Variants in AGMO observed in about 807,000 individuals in gnomAD.
AGMO encodes alkylglycerol monooxygenase.
AGMO carries 75 observed loss-of-function variants against 60.2 expected under a neutral mutation model. That is an observed-to-expected ratio of 1.25 (90% CI 1.03 to 1.51). AGMO has a LOEUF of 1.51. AGMO is among the 40% of genes most tolerant of loss of function. AGMO has a pLI of 0.00. For missense variants in AGMO, 763 were observed against 525.5 expected (o/e 1.45, Z -4.42); for synonymous variants, 261 against 177.1 (o/e 1.47, Z -3.76).
rs532116796 is a variant in AGMO at position 15,272,326 on chromosome 7, G to A, written c.1264-70967C>T. 7.2e-5 allele frequency among the ~76,000 whole-genome samples: 9 copies of A among 124,398 alleles called. No homozygotes were observed. The East Asian group carries it at 9.5e-4, about 13-fold the overall frequency. The allele number at this position is 124,398 out of a possible 152,430, so 81.6% of individuals were successfully genotyped here. On this transcript the variant is annotated intron_variant, in intron 12 of 12. Transcript: ENST00000342526. ...CCAGGTGTGTGACACTCCCCTTCCC[G>A]TGTCCAAGTGTTCTCGTTGTTCAAT...
intron 3 of AGMO, among the ~76,000 whole-genome samples, chr7:15,432,859 A>C (rs547151993): frequency 6.6e-6 from 1 of 152,004 alleles, no homozygotes; most frequent in African/African-American, 2.4e-5. Flanking sequence ...ATGGCTGTAC[A>C]TAAGAAATAT....
rs71004370 is a variant in AGMO, at chr7:15,202,458, C to CAAAAAAAAAAAAAAAAA, written c.1264-1116_1264-1100dup. 9.9e-4 allele frequency among the ~76,000 whole-genome samples: 45 copies of CAAAAAAAAAAAAAAAAA among 45,358 alleles called. 4 individuals are homozygous for CAAAAAAAAAAAAAAAAA. Among genetic ancestry groups the CAAAAAAAAAAAAAAAAA allele is most frequent in the Non-Finnish European group, 1.4e-3 (31 of 22,456 alleles). 29.8% of individuals were successfully genotyped at this position (45,358 alleles called of 152,430 possible). ...CACCAACAACCAAAATACAAATGAG[C>CAAAAAAAAAAAAAAAAA]AAAAAAAAAAAAAAAAAAAAAAAAA... is the stretch of plus-strand genomic sequence containing the variant. On this transcript the variant is annotated intron_variant, in intron 12 of 12. Transcript: ENST00000342526.
In AGMO at chr7:15,544,858, T is replaced by C. The variant is rs1026744158; in HGVS notation, c.323A>G (p.Asn108Ser). 2.3e-5 allele frequency: 37 copies of C among 1,608,222 alleles called. No individual in the cohort carries two copies. The highest frequency in any genetic ancestry group is 1.6e-4 in the Middle Eastern group (1 of 6,066). ...AGTCCATGGAGAATCCCAAGGCAAA[T>C]TGAACAGCCTGTAGTTCTCCCAGAT... ...IYIWENYRLF[N>S]LPWDSPWTWY... Residue 108 changes from asparagine (N) to serine (S), a missense_variant, in exon 3 of 13, where the codon AAT (asparagine) becomes AGT (serine). Coordinates refer to ENST00000342526, the MANE Select transcript of AGMO (RefSeq NM_001004320.2).
At chr7:15,481,290 T>C (rs1022401476) in intron 3 of AGMO, among the ~76,000 whole-genome samples, 2 of 152,130 alleles carry the variant, frequency 1.3e-5, no homozygotes, top group East Asian at 3.9e-4. Context: ...TGCAACGGAA[T>C]CTTTGTCAGT....
intron 8 of AGMO, 94 bp from the exon 9 acceptor site, chr7:15,387,634 AT>A: frequency 9.0e-7 from 1 of 1,105,306 alleles, no homozygotes; most frequent in Non-Finnish European, 1.2e-6. Context: ...GTTCAAGGTA[AT>A]TTACGTATTT....
At chr7:15,456,787 GCTA>G (rs1488597608) in intron 3 of AGMO, among the ~76,000 whole-genome samples, 1 of 152,070 alleles carries the variant, frequency 6.6e-6, no homozygotes, top group Non-Finnish European at 1.5e-5. Context: ...GGCTCTGTGC[GCTA>G]CTATTTTGGG....
chr7:15,492,445 A>G (rs1186526722), intron 3 of AGMO, among the ~76,000 whole-genome samples: 2 of 151,642 alleles, frequency 1.3e-5, no homozygotes, highest in Non-Finnish European at 2.9e-5. Flanking sequence ...TATAAGTCCT[A>G]TGGAGACCAG....
intron 3 of AGMO, among the ~76,000 whole-genome samples, chr7:15,438,318 G>T (rs1179363885): frequency 2.0e-5 from 3 of 151,676 alleles, no homozygotes; most frequent in African/African-American, 7.3e-5. Context: ...TATCATGTAG[G>T]GAATATTTAG....
chr7:15,337,841 C>G (rs543847304), intron 12 of AGMO, among the ~76,000 whole-genome samples: 1 of 152,282 alleles, frequency 6.6e-6, no homozygotes, highest in East Asian at 1.9e-4. Flanking sequence ...ATATTAGGCA[C>G]CTGGGCTCCA....
At chr7:15,356,105 T>C (rs1466194313) in intron 12 of AGMO, among the ~76,000 whole-genome samples, 1 of 152,180 alleles carries the variant, frequency 6.6e-6, no homozygotes, top group Non-Finnish European at 1.5e-5. Context: ...GGTCCACTGA[T>C]AGAAGGACAT....
the AGMO span, among the ~76,000 whole-genome samples, chr7:15,180,638 C>T: frequency 6.6e-6 from 1 of 152,238 alleles, no homozygotes; most frequent in African/African-American, 2.4e-5. Context: ...GCTTCATTCA[C>T]AGCAATCTAG....
At chr7:15,485,820 G>A (rs951958959) in intron 3 of AGMO, among the ~76,000 whole-genome samples, 9 of 151,826 alleles carry the variant, frequency 5.9e-5, no homozygotes, top group African/African-American at 2.2e-4. Context: ...CTGCTCTCTC[G>A]GTGAAGCATT....
At chr7:15,172,301 A>G in the AGMO span, among the ~76,000 whole-genome samples, 1 of 152,204 alleles carries the variant, frequency 6.6e-6, no homozygotes, top group African/African-American at 2.4e-5. Context: ...GTGAATCTCA[A>G]TAAGTACATT....
chr7:15,325,057 A>G (rs1781294711), intron 12 of AGMO, among the ~76,000 whole-genome samples: 1 of 152,210 alleles, frequency 6.6e-6, no homozygotes, highest in Non-Finnish European at 1.5e-5. Context: ...CATGCTTTGA[A>G]AACCCCTCAG....
At chr7:15,558,662 A>G (rs899993676) in intron 2 of AGMO, among the ~76,000 whole-genome samples, 1 of 152,062 alleles carries the variant, frequency 6.6e-6, no homozygotes, top group Admixed American at 6.6e-5. Context: ...CAACAATTAC[A>G]AGTAGTTTTT....
intron 3 of AGMO, among the ~76,000 whole-genome samples, chr7:15,517,579 C>G (rs1482193002): frequency 6.6e-6 from 1 of 151,596 alleles, no homozygotes; most frequent in Non-Finnish European, 1.5e-5. Flanking sequence ...AACTCCTTCC[C>G]CTAGCCAAGG....
At chr7:15,461,332 CA>C (rs551053983) in intron 3 of AGMO, among the ~76,000 whole-genome samples, 45 of 145,430 alleles carry the variant, frequency 3.1e-4, no homozygotes, top group South Asian at 6.5e-4. Context: ...TTTCTATTTT[CA>C]AAAAAAAAAC....
At chr7:15,144,361 A>G in the AGMO span, among the ~76,000 whole-genome samples, 1 of 152,232 alleles carries the variant, frequency 6.6e-6, no homozygotes, top group Non-Finnish European at 1.5e-5. Context: ...CTTAAATATT[A>G]GAATACTTTT....
rs77855923 is a variant in AGMO, at chr7:15,513,873, G to A, written c.409+30899C>T. On this transcript the variant is annotated intron_variant, in intron 3 of 12. Transcript: ENST00000342526. ...TCTTCACTCTCTTTCAGGACTTCAC[G>A]CCACCACCCTTCTGTGATATTTTTA... Among the ~76,000 whole-genome samples the A allele has an allele frequency of 2.6e-4, 40 of 152,120 alleles. No individual in the cohort carries two copies. The East Asian group carries it at 7.1e-3, about 27-fold the overall frequency.
Sources: gnomAD v4.1 joint callset for allele counts (sites outside exome capture counted in the v4.1 genomes callset) on GRCh38, gnomAD v4.1.1 for gene constraint, MANE v1.5 for transcripts, NCBI Gene and HGNC (gene_info 2026-07-23, HGNC 2026-07-21) for gene names.